Variants in SCOC observed in about 807,000 individuals in gnomAD.
SCOC encodes short coiled-coil protein.
Under a neutral mutation model 9.9 loss-of-function variants are expected in SCOC, and 7 were observed. The observed-to-expected ratio is 0.71, with a 90% CI of 0.40 to 1.33. The LOEUF is 1.33. Among genes scored for constraint, SCOC ranks in the 40% most tolerant of loss-of-function variants. SCOC has a pLI of 0.01. For missense variants in SCOC, 66 were observed against 89.7 expected (o/e 0.74, Z 1.07); for synonymous variants, 19 against 28.2 (o/e 0.67, Z 1.03).
chr4:140,276,951 ACTCT>A (rs910498955), intron 1 of SCOC, among the ~76,000 whole-genome samples: 3 of 152,098 alleles, frequency 2.0e-5, no homozygotes. Flanking sequence ...TAATAATATT[ACTCT>A]CTCTCCTCAT....
At chr4:140,319,529 C>G (rs1292616528) in intron 1 of SCOC, among the ~76,000 whole-genome samples, 1 of 151,978 alleles carries the variant, frequency 6.6e-6, no homozygotes, top group Non-Finnish European at 1.5e-5. Flanking sequence ...ATTTAGTGAC[C>G]CCAAATTTCA....
chr4:140,308,650 C>G (rs531544165), intron 1 of SCOC, among the ~76,000 whole-genome samples: 1 of 152,190 alleles, frequency 6.6e-6, no homozygotes, highest in Non-Finnish European at 1.5e-5. Context: ...TGTGCACGCA[C>G]GCTCATGCAC....
Position 140,380,177 on chromosome 4 carries a change from G to C in SCOC, c.106+525G>C, listed in dbSNP as rs1728510532. 2.0e-5 allele frequency among the ~76,000 whole-genome samples: 3 copies of C among 148,202 alleles called. No individual in the cohort carries two copies. In the South Asian group the frequency reaches 6.5e-4, roughly 32 times the overall value. ...AAAGTCATCTGTGACTTCCCTATTA[G>C]CTTTCTTTTTCTTTTTCTTTTTTTT... On this transcript the variant is annotated intron_variant, in intron 3 of 3. Transcript: ENST00000608372.
intron 1 of SCOC, among the ~76,000 whole-genome samples, chr4:140,324,478 C>T (rs552545954): frequency 3.9e-5 from 6 of 151,974 alleles, no homozygotes; most frequent in East Asian, 3.9e-4. Flanking sequence ...CAAAACACTC[C>T]GAGAACTCAT....
intron 1 of SCOC, among the ~76,000 whole-genome samples, chr4:140,294,917 C>T (rs1731580463): frequency 6.6e-6 from 1 of 152,124 alleles, no homozygotes; most frequent in South Asian, 2.1e-4. Flanking sequence ...TGTCTGGACC[C>T]TGTGATTTGA....
chr4:140,275,460 C>T (rs968114134), intron 1 of SCOC, among the ~76,000 whole-genome samples: 1 of 152,202 alleles, frequency 6.6e-6, no homozygotes. Context: ...CCGTCTTCCC[C>T]CTAAATCAGT....
Position 140,275,816 on chromosome 4 carries a change from GTTTGT to G in SCOC, c.-19+18410_-19+18414del, listed in dbSNP as rs1209412546. On this transcript the variant is annotated intron_variant, in intron 1 of 4. Coordinates refer to the SCOC transcript ENST00000394205. ...CTCAGTTTCCCCTGAACTCGCTCAGGTTTGTTTTTTTTTTTTTTTTTTTTTGAGAG... is the reference window on the plus strand; with the variant it reads ...CTCAGTTTCCCCTGAACTCGCTCAGGTTTTTTTTTTTTTTTTTTTTGAGAG... 1.0e-3 allele frequency among the ~76,000 whole-genome samples: 134 copies of G among 133,462 alleles called. 1 individual carries two copies. The highest frequency in any genetic ancestry group is 4.1e-3 in the African/African-American group (129 of 31,454). The allele number at this position is 133,462 out of a possible 152,430, so 87.6% of individuals were successfully genotyped here.
At chr4:140,322,061 T>C (rs1001217307) in intron 1 of SCOC, among the ~76,000 whole-genome samples, 7 of 152,318 alleles carry the variant, frequency 4.6e-5, no homozygotes, top group Middle Eastern at 3.4e-3. Flanking sequence ...CACCTTGATC[T>C]TGGACTTGCC....
At chr4:140,312,552 G>C (rs1203461520) in intron 1 of SCOC, among the ~76,000 whole-genome samples, 4 of 151,998 alleles carry the variant, frequency 2.6e-5, no homozygotes, top group African/African-American at 4.8e-5. Flanking sequence ...CCTCAGTCTT[G>C]AGTAGATAGG....
intron 2 of SCOC, among the ~76,000 whole-genome samples, chr4:140,350,760 C>T (rs1232671358): frequency 6.6e-6 from 1 of 152,172 alleles, no homozygotes; most frequent in African/African-American, 2.4e-5. Flanking sequence ...AAGAGTAAGT[C>T]TCAGAATTGA....
chr4:140,372,539 A>AT (rs150324410), upstream of SCOC, among the ~76,000 whole-genome samples: 2,760 of 151,972 alleles, frequency 0.018, 91 homozygotes, highest in African/African-American at 0.063. Context: ...TTTATGTTGG[A>AT]TTTTTTTTCA....
At chr4:140,355,838 A>G (rs960977721) in intron 2 of SCOC, among the ~76,000 whole-genome samples, 2 of 152,196 alleles carry the variant, frequency 1.3e-5, no homozygotes, top group African/African-American at 4.8e-5. Flanking sequence ...GGAAAAATGT[A>G]TGTATTAGTG....
upstream of SCOC, among the ~76,000 whole-genome samples, chr4:140,340,083 A>G (rs1366723677): frequency 6.6e-6 from 1 of 152,246 alleles, no homozygotes; most frequent in Non-Finnish European, 1.5e-5. Flanking sequence ...TGGATTAAGA[A>G]AATGTGGCAC....
At chr4:140,304,327 G>A (rs1731900683) in intron 1 of SCOC, among the ~76,000 whole-genome samples, 1 of 152,026 alleles carries the variant, frequency 6.6e-6, no homozygotes, top group South Asian at 2.1e-4. Flanking sequence ...AGGAGGTCGG[G>A]GAGAGATATG....
chr4:140,373,453 G>C, upstream of SCOC: 2 of 1,544,954 alleles, frequency 1.3e-6, no homozygotes, highest in Non-Finnish European at 1.7e-6. Flanking sequence ...CCTCAATCCT[G>C]ATTGGATGTC....
Position 140,295,453 on chromosome 4 carries a change from G to C in SCOC, c.-19+38043G>C, listed in dbSNP as rs557369593. On this transcript the variant is annotated intron_variant, in intron 1 of 4. Transcript: ENST00000394205. ...GGGGCGTGCTTTCTAGAAGCCAATTGTTAGAGTTGGGCTGGCCAAGTGGGA... is the reference window on the plus strand; with the variant it reads ...GGGGCGTGCTTTCTAGAAGCCAATTCTTAGAGTTGGGCTGGCCAAGTGGGA... 2.2e-4 allele frequency among the ~76,000 whole-genome samples: 33 copies of C among 152,328 alleles called. No individual in the cohort carries two copies. In the East Asian group the frequency reaches 5.6e-3, roughly 26 times the overall value.
At chr4:140,292,946 T>C (rs946661037) in intron 1 of SCOC, among the ~76,000 whole-genome samples, 10 of 152,238 alleles carry the variant, frequency 6.6e-5, no homozygotes, top group African/African-American at 2.4e-4. Context: ...CTCAGCTGTG[T>C]CTGCTCTTCC....
chr4:140,332,118 C>T (rs766658682), intron 1 of SCOC, among the ~76,000 whole-genome samples: 4 of 152,042 alleles, frequency 2.6e-5, no homozygotes, highest in African/African-American at 7.2e-5. Context: ...CATTAGAAAC[C>T]GCCCCCGTGA....
intron 1 of SCOC, among the ~76,000 whole-genome samples, chr4:140,288,948 CCACATACCTGATCACACAA>C (rs1731386159): frequency 1.3e-5 from 2 of 152,032 alleles, no homozygotes; most frequent in Non-Finnish European, 2.9e-5. Flanking sequence ...ATGCCACACA[CCACATACCTGATCACACAA>C]CACACACAAT....
Sources: allele counts gnomAD v4.1 joint callset (sites outside exome capture counted in the v4.1 genomes callset), GRCh38; gene constraint gnomAD v4.1.1; transcripts MANE v1.5; gene names NCBI Gene and HGNC (gene_info 2026-07-23, HGNC 2026-07-21).